Variants in NLRP5 observed in about 807,000 individuals in gnomAD.
NLRP5 encodes the protein NLR family pyrin domain containing 5.
NLRP5 carries 93 observed loss-of-function variants against 113.1 expected under a neutral mutation model. That is an observed-to-expected ratio of 0.82 (90% CI 0.70 to 0.98). The LOEUF is 0.98. Among genes scored for constraint, NLRP5 ranks in the 50% least tolerant of loss-of-function variants. NLRP5 has a pLI of 0.00. For synonymous variants in NLRP5, 751 were observed against 600.7 expected (o/e 1.25, Z -3.66); for missense variants, 1,808 against 1,514.3 (o/e 1.19, Z -3.22).
At chr19:56,058,093 G>A (rs1962346362) in intron 13 of NLRP5, 147 bp from the exon 14 acceptor site, 9 of 620,474 alleles carry the variant, frequency 1.5e-5, no homozygotes, top group Middle Eastern at 4.6e-4. Flanking sequence ...GAAACTGGGA[G>A]GCAGAGCCCA....
At chr19:56,054,566 T>TG (rs558485457) in intron 13 of NLRP5, among the ~76,000 whole-genome samples, 611 of 18,270 alleles carry the variant, frequency 0.033, 2 homozygotes, top group African/African-American at 0.1. Context: ...TCAAAAAAAG[T>TG]GAAAAAAAAA....
intron 11 of NLRP5, among the ~76,000 whole-genome samples, chr19:56,047,744 T>C (rs140347237): frequency 3.1e-4 from 47 of 152,362 alleles, no homozygotes; most frequent in Non-Finnish European, 2.8e-4. Context: ...TATGTCCATT[T>C]GTTCCAAAGT....
At chr19:56,046,182 G>C (rs1021572692) in intron 11 of NLRP5, among the ~76,000 whole-genome samples, 1 of 152,078 alleles carries the variant, frequency 6.6e-6, no homozygotes, top group Non-Finnish European at 1.5e-5. Context: ...GGATTTTGTC[G>C]AATGCTTTTC....
intron 11 of NLRP5, among the ~76,000 whole-genome samples, chr19:56,048,786 T>C (rs550736055): frequency 1.3e-5 from 2 of 152,182 alleles, no homozygotes; most frequent in East Asian, 3.9e-4. Context: ...AGGGAAGTTT[T>C]CCTCAATTAT....
intron 14 of NLRP5, among the ~76,000 whole-genome samples, chr19:56,060,512 A>C (rs748274876): frequency 2.6e-5 from 4 of 152,154 alleles, no homozygotes; most frequent in Non-Finnish European, 4.4e-5. Context: ...AGTTTTGCTT[A>C]AAGTCACTGT....
intron 1 of NLRP5, 145 bp from the exon 2 acceptor site, chr19:56,003,590 TA>T: frequency 1.1e-6 from 1 of 935,234 alleles, no homozygotes; most frequent in Non-Finnish European, 1.6e-6. Flanking sequence ...AGTAATAGGA[TA>T]AACAGATATT....
At chr19:56,038,836 T>C (rs1436115114) in intron 10 of NLRP5, among the ~76,000 whole-genome samples, 1 of 152,142 alleles carries the variant, frequency 6.6e-6, no homozygotes, top group Non-Finnish European at 1.5e-5. Flanking sequence ...CTTTTCCGTG[T>C]CAGAGTTTTG....
rs1288751615 is a variant in NLRP5 at position 56,041,150 on chromosome 19, A to G, written c.2957+58A>G. On this transcript the variant is annotated intron_variant, in intron 11 of 14. Coordinates refer to ENST00000390649, the MANE Select transcript of NLRP5 (RefSeq NM_153447.4). ...CTAGCTTTCTAACATAGCATGGTGT[A>G]GCTCTCAAAGCAGAAGGCAGTGGGG... is the stretch of plus-strand genomic sequence containing the variant. The G allele has an allele frequency of 1.9e-6, 3 of 1,553,246 alleles. No homozygotes were observed. In the Admixed American group the frequency reaches 5.2e-5, roughly 27 times the overall value.
chr19:56,058,581 A>C (rs1472197236), intron 14 of NLRP5, among the ~76,000 whole-genome samples, 171 bp downstream of exon 14: 1 of 152,202 alleles, frequency 6.6e-6, no homozygotes, highest in Non-Finnish European at 1.5e-5. Context: ...TGCTGGAGAT[A>C]CAGGAATATG....
chr19:55,998,913 TG>T (rs1568478477), upstream of NLRP5, among the ~76,000 whole-genome samples: 1 of 151,542 alleles, frequency 6.6e-6, no homozygotes, highest in East Asian at 1.9e-4. Flanking sequence ...TTACTTTTTG[TG>T]GTGAGGATGT....
intron 3 of NLRP5, among the ~76,000 whole-genome samples, chr19:56,012,616 G>A: frequency 6.6e-6 from 1 of 150,448 alleles, no homozygotes; most frequent in East Asian, 1.9e-4. Flanking sequence ...CAACAAGATG[G>A]AGAAAATTGG....
rs1354835747 is a variant in NLRP5 at position 56,022,730 on chromosome 19, G to GT, written c.679+2305dup. Among the ~76,000 whole-genome samples the GT allele has an allele frequency of 3.9e-5, 6 of 152,152 alleles. No homozygotes were observed. In the South Asian group the frequency reaches 8.3e-4, roughly 21 times the overall value. On this transcript the variant is annotated intron_variant, in intron 6 of 14. Transcript: ENST00000390649. ...TTAGAAGTAAAAGATGAGGTTTTTT[G>GT]TTTTTTGTTTTGAGACTGAGTTTAG... is the stretch of plus-strand genomic sequence containing the variant.
In NLRP5 at chr19:56,032,684, C is replaced by A; in HGVS notation, c.2350C>A (p.Arg784=). 1 of 1,613,526 alleles carries A rather than the reference C, an allele frequency of 6.2e-7. No homozygotes were observed. Among genetic ancestry groups the A allele is most frequent in the Admixed American group, 1.7e-5 (1 of 59,980 alleles). ...CATGCTTGGCACCCACCCACACCTG[C>A]GGCAGCTGGACCTGGGCAGCAGCAT... Residue 784 remains arginine, a synonymous_variant, in exon 8 of 15, where the codon CGG becomes AGG. Coordinates refer to ENST00000390649, the MANE Select transcript of NLRP5 (RefSeq NM_153447.4).
At chr19:56,010,975 G>A (rs967764890) in intron 3 of NLRP5, among the ~76,000 whole-genome samples, 2 of 151,770 alleles carry the variant, frequency 1.3e-5, no homozygotes, top group African/African-American at 4.8e-5. Flanking sequence ...AATGTAGCAA[G>A]ACCCGACGTC....
the NLRP5 span, chr19:55,988,086 CTGTG>C: frequency 1.7e-6 from 1 of 586,846 alleles, no homozygotes; most frequent in Middle Eastern, 4.5e-4. Flanking sequence ...CGGTGATGCC[CTGTG>C]TGTATTAATA....
chr19:56,053,839 G>A (rs200260755), intron 13 of NLRP5, 31 bp downstream of exon 13: 49 of 1,603,638 alleles, frequency 3.1e-5, no homozygotes, highest in South Asian at 8.8e-5. Flanking sequence ...TTTGCGGGCC[G>A]GGCTGGGAGG....
intron 8 of NLRP5, among the ~76,000 whole-genome samples, chr19:56,033,016 T>C (rs1017298470): frequency 6.6e-6 from 1 of 151,522 alleles, no homozygotes; most frequent in Non-Finnish European, 1.5e-5. Context: ...GAGGCCGAGG[T>C]GGGTGGATCA....
intron 12 of NLRP5, among the ~76,000 whole-genome samples, chr19:56,052,920 G>C (rs1046505409): frequency 6.6e-6 from 1 of 152,146 alleles, no homozygotes; most frequent in Non-Finnish European, 1.5e-5. Flanking sequence ...AGCAAACTCT[G>C]CTGTGCTCAT....
chr19:56,038,708 G>A (rs1237574805), intron 10 of NLRP5, among the ~76,000 whole-genome samples: 2 of 152,298 alleles, frequency 1.3e-5, no homozygotes, highest in East Asian at 3.9e-4. Context: ...TGGAGACGAG[G>A]GAGCCCAGAG....
Sources: gnomAD v4.1 joint callset for allele counts (sites outside exome capture counted in the v4.1 genomes callset) on GRCh38, gnomAD v4.1.1 for gene constraint, MANE v1.5 for transcripts, NCBI Gene and HGNC (gene_info 2026-07-23, HGNC 2026-07-21) for gene names.